Variants in MON1B observed in about 807,000 individuals in gnomAD.
The protein encoded by MON1B is MON1 vesicular trafficking associated B, also known as vacuolar fusion protein MON1 homolog B.
In MON1B, 26 loss-of-function variants were observed where a neutral mutation model predicts 45.1. That is an observed-to-expected ratio of 0.58 (90% CI 0.42 to 0.80). The LOEUF (loss-of-function observed/expected upper bound fraction) is 0.80. MON1B is among the 30% of genes least tolerant of loss of function. The pLI, the probability that MON1B is intolerant of heterozygous loss-of-function variation, is 0.00. For missense variants in MON1B, 737 were observed against 754.5 expected, an observed-to-expected ratio of 0.98 and a Z score of 0.27; for synonymous variants, 395 against 320.2, an observed-to-expected ratio of 1.23 and a Z score of -2.49.
Position 77,201,306 on chromosome 16 carries a change from G to A in MON1B, c.*2998G>A, listed in dbSNP as rs1309491702. On this transcript the variant is annotated 3_prime_UTR_variant, in exon 6 of 6. Coordinates refer to ENST00000248248, the MANE Select transcript of MON1B (RefSeq NM_014940.4). ...CATTTATTAACTGTGTAATGCAGCT[G>A]CCACTGCAATTAAAAAAAAAATTTT... 6.6e-6 allele frequency: 1 copy of A among 152,052 alleles called. No individual in the cohort carries two copies. The highest frequency in any genetic ancestry group is 6.6e-5 in the Admixed American group (1 of 15,256). 9.4% of individuals were successfully genotyped at this position (152,052 alleles called of 1,614,324 possible).
In MON1B at chr16:77,200,180, A is replaced by C. The variant is rs1230879319; in HGVS notation, c.*1872A>C. On this transcript the variant is annotated 3_prime_UTR_variant, in exon 6 of 6. Coordinates refer to ENST00000248248, the MANE Select transcript of MON1B (RefSeq NM_014940.4). ...CACCATCTCTACTAAAAAACTATAT[A>C]TACATATACATATGTGTGTATGTGT... 6.7e-6 allele frequency: 1 copy of C among 150,034 alleles called. No homozygotes were observed. The highest frequency in any genetic ancestry group is 1.5e-5 in the Non-Finnish European group (1 of 67,648). The allele number at this position is 150,034 out of a possible 1,614,324, so 9.3% of individuals were successfully genotyped here. A position where few individuals can be genotyped will look rare whatever the true frequency, so the allele number is the denominator to read the frequency against.
Position 77,191,504 on chromosome 16 carries a change from A to G in MON1B, c.19A>G (p.Thr7Ala). The change falls in exon 2 of 6, where the codon ACT becomes GCT. Residue 7 changes from threonine to alanine, a missense_variant. Transcript: ENST00000248248. ...TGTGCAGATGGAGGTCGGAGGAGAC[A>G]CTGCTGCCCCGGCCCCCGGGGGCGC... is the stretch of plus-strand genomic sequence containing the variant. Reference protein sequence around the residue: MEVGGDTAAPAPGGAED... With the variant: MEVGGDAAAPAPGGAED... 1 of 1,604,418 alleles carries G rather than the reference A, an allele frequency of 6.2e-7. No homozygotes were observed. Among genetic ancestry groups the G allele is most frequent in the Non-Finnish European group, 8.5e-7 (1 of 1,177,228 alleles).
Position 77,191,559 on chromosome 16 carries a change from G to T in MON1B, c.74G>T (p.Ser25Ile). Reference sequence around the variant, plus strand: ...GACTTGGAGGACACGCAGTTCCCCAGTGAGGAAGCTAGAGAAGGTGGAGGG... The same window carrying T: ...GACTTGGAGGACACGCAGTTCCCCATTGAGGAAGCTAGAGAAGGTGGAGGG... The part of the protein sequence containing the change: ...AEDLEDTQFP[S>I]EEAREGGGVH... Residue 25 changes from serine (S) to isoleucine (I), a missense_variant, in exon 2 of 6, where the codon AGT becomes ATT. Coordinates refer to ENST00000248248, the MANE Select transcript of MON1B (RefSeq NM_014940.4). 6.2e-7 allele frequency: 1 copy of T among 1,609,234 alleles called. No homozygotes were observed. The highest frequency in any genetic ancestry group is 8.5e-7 in the Non-Finnish European group (1 of 1,178,780).
chr16:77,191,649 G>T lies in MON1B; in HGVS notation c.148+16G>T, dbSNP rs372727263. 6.2e-7 allele frequency: 1 copy of T among 1,606,690 alleles called. No individual in the cohort carries two copies. On this transcript the variant is annotated intron_variant, in intron 2 of 5. Coordinates refer to ENST00000248248, the MANE Select transcript of MON1B (RefSeq NM_014940.4). ...GAGGAAACAGGTATGACTCCACTTAGTGGGGTCTTAAAAGGAATCCTTAGG... is the reference window on the plus strand; with the variant it reads ...GAGGAAACAGGTATGACTCCACTTATTGGGGTCTTAAAAGGAATCCTTAGG...
chr16:77,199,865 C>G lies in MON1B; in HGVS notation c.*1557C>G. On this transcript the variant is annotated 3_prime_UTR_variant, in exon 6 of 6. Transcript: ENST00000248248. ...CCTTATTAACAGTAATTCCCAGTGT[C>G]GCCATTTCACACCTAACACATATGA... 5.2e-6 allele frequency: 1 copy of G among 192,946 alleles called. No homozygotes were observed. The highest frequency in any genetic ancestry group is 1.1e-5 in the Non-Finnish European group (1 of 94,274). The allele number at this position is 192,946 out of a possible 1,614,324, so 12.0% of individuals were successfully genotyped here.
In MON1B at chr16:77,193,312, A is replaced by T; in HGVS notation, c.149-139A>T. 1.3e-6 allele frequency: 1 copy of T among 759,048 alleles called. No individual in the cohort carries two copies. The highest frequency in any genetic ancestry group is 2.1e-6 in the Non-Finnish European group (1 of 477,542). The allele number at this position is 759,048 out of a possible 1,614,324, so 47.0% of individuals were successfully genotyped here. A position where few individuals can be genotyped will look rare whatever the true frequency, so the allele number is the denominator to read the frequency against. ...TCCTAGGGCAGTCATCGGGTCATTG[A>T]GGGGCATAGGAGACACTTGGAGTTC... On this transcript the variant is annotated intron_variant, in intron 2 of 5. Transcript: ENST00000248248. This position sits in a 1 kb window ranked among gnomAD's most constrained non-coding sequence, Gnocchi z 5.0.
Position 77,191,567 on chromosome 16 carries a change from G to C in MON1B, c.82G>C (p.Ala28Pro), listed in dbSNP as rs933405244. 2.5e-6 allele frequency: 4 copies of C among 1,609,894 alleles called. No homozygotes were observed. Among genetic ancestry groups the C allele is most frequent in the African/African-American group, 1.3e-5 (1 of 74,570 alleles). ...GGACACGCAGTTCCCCAGTGAGGAA[G>C]CTAGAGAAGGTGGAGGGGTTCACGC... ...LEDTQFPSEE[A>P]REGGGVHAVP... The change falls in exon 2 of 6, where the codon GCT (alanine) becomes CCT (proline). Residue 28 changes from alanine (A) to proline (P), a missense_variant. Ala to Pro is a conservative substitution (Grantham distance 27, BLOSUM62 -1). Transcript: ENST00000248248.
At chr16:77,192,377 A>T (rs1214866295) in intron 2 of MON1B, among the ~76,000 whole-genome samples, 2 of 152,336 alleles carry the variant, frequency 1.3e-5, no homozygotes, top group African/African-American at 2.4e-5. Flanking sequence ...AGAATATGCA[A>T]TTATTGGGAT....
At chr16:77,196,867 G>A (rs2054670450) in intron 5 of MON1B, among the ~76,000 whole-genome samples, 1 of 152,070 alleles carries the variant, frequency 6.6e-6, no homozygotes, top group South Asian at 2.1e-4. Flanking sequence ...TTAATTCAGT[G>A]AGCTAAAATC....
Position 77,199,275 on chromosome 16 carries a change from G to C in MON1B, c.*967G>C. 1.6e-6 allele frequency: 1 copy of C among 611,734 alleles called. No individual in the cohort carries two copies. The highest frequency in any genetic ancestry group is 2.9e-6 in the Non-Finnish European group (1 of 339,864). The allele number at this position is 611,734 out of a possible 1,614,324, so 37.9% of individuals were successfully genotyped here. A position where few individuals can be genotyped will look rare whatever the true frequency, so the allele number is the denominator to read the frequency against. On this transcript the variant is annotated 3_prime_UTR_variant, in exon 6 of 6. Coordinates refer to ENST00000248248, the MANE Select transcript of MON1B (RefSeq NM_014940.4). Reference sequence around the variant, plus strand: ...AGTTACAGCCTCAAGGTTGTAGCATGTGTGCTGGCAATCAGGGCCGCAGTG... The same window carrying C: ...AGTTACAGCCTCAAGGTTGTAGCATCTGTGCTGGCAATCAGGGCCGCAGTG...
chr16:77,194,938 T>C lies in MON1B; in HGVS notation c.1079T>C (p.Phe360Ser). 6.2e-7 allele frequency: 1 copy of C among 1,613,746 alleles called. No homozygotes were observed. The highest frequency in any genetic ancestry group is 2.2e-5 in the East Asian group (1 of 44,874). The stretch of plus-strand genomic sequence containing the variant: ...CTGCTTGGCACCCAACGTGAAGCCT[T>C]CCATGCCATGGCCGCCTGCCGGCGC... ...LLLLGTQREA[F>S]HAMAACRRLV... The change falls in exon 4 of 6, where the codon TTC (phenylalanine) becomes TCC (serine). Residue 360 changes from phenylalanine (F) to serine (S), a missense_variant. Physicochemically the swap from Phe to Ser is radical, Grantham distance 155 (BLOSUM62 -2). Coordinates refer to ENST00000248248, the MANE Select transcript of MON1B (RefSeq NM_014940.4). The surrounding 1 kb of genome is among the most constrained non-coding windows in gnomAD (Gnocchi z 8.1).
At chr16:77,192,318 GGGAGTAAA>G (rs1246612485) in intron 2 of MON1B, among the ~76,000 whole-genome samples, 1 of 152,180 alleles carries the variant, frequency 6.6e-6, no homozygotes, top group East Asian at 1.9e-4. Flanking sequence ...GTTATTAGGA[GGGAGTAAA>G]GATATTTGGG....
chr16:77,194,829 C>G lies in MON1B; in HGVS notation c.970C>G (p.Pro324Ala). The change falls in exon 4 of 6, where the codon CCT becomes GCT. Residue 324 changes from proline (P) to alanine (A), a missense_variant. By Grantham distance (27) the Pro-to-Ala change is conservative. Coordinates refer to ENST00000248248, the MANE Select transcript of MON1B (RefSeq NM_014940.4). This position sits in a 1 kb window ranked among gnomAD's most constrained non-coding sequence, Gnocchi z 8.1. ...CTTTGCGGCGGGTGAGGCTTGGGCACCTGTGTGCCTGCCCCGCTTCAACCC... is the reference window on the plus strand; with the variant it reads ...CTTTGCGGCGGGTGAGGCTTGGGCAGCTGTGTGCCTGCCCCGCTTCAACCC... ...PAFAAGEAWA[P>A]VCLPRFNPDG... 6.2e-7 allele frequency: 1 copy of G among 1,610,712 alleles called. No homozygotes were observed. The highest frequency in any genetic ancestry group is 8.5e-7 in the Non-Finnish European group (1 of 1,180,000).
chr16:77,197,951 C>G (rs1296580710), intron 5 of MON1B, among the ~76,000 whole-genome samples, 157 bp from the exon 6 acceptor site: 1 of 152,136 alleles, frequency 6.6e-6, no homozygotes, highest in Non-Finnish European at 1.5e-5. Flanking sequence ...TATCAGCTTA[C>G]CTACCTTAGC....
Position 77,195,890 on chromosome 16 carries a change from T to C in MON1B, c.1443+208T>C, listed in dbSNP as rs75533076. Among the ~76,000 whole-genome samples the C allele has an allele frequency of 6.6e-3, 1,007 of 152,262 alleles. 10 individuals carry two copies. The highest frequency in any genetic ancestry group is 0.022 in the African/African-American group (930 of 41,544). ...CCGTGTCTCTAATCCGACATTAGCC[T>C]CACCCTCCTGTGTGCTTCTCCCAGA... On this transcript the variant is annotated intron_variant, in intron 5 of 5. Transcript: ENST00000248248.
At position 77,199,499 on chromosome 16, in the gene MON1B, T is replaced by C. The variant is rs966741546; in HGVS notation, c.*1191T>C. ...TGAATGTGGAGGCGCCAGAAGCTAC[T>C]GAGGAGGCTGAAGGTAGTGAGGGCA... On this transcript the variant is annotated 3_prime_UTR_variant, in exon 6 of 6. Transcript: ENST00000248248. 1.9e-6 allele frequency: 3 copies of C among 1,551,334 alleles called. No individual in the cohort carries two copies. Among genetic ancestry groups the C allele is most frequent in the South Asian group, 1.2e-5 (1 of 84,054 alleles).
Position 77,193,463 on chromosome 16 carries a change from A to G in MON1B, c.161A>G (p.Lys54Arg). ...GGCTCCCTTTCAGGATCCAAGGACA[A>G]GGACCAGCCACCCAGCCCATCACCA... ...EGLEETGSKDKDQPPSPSPPP... is the reference protein window; with the variant it reads ...EGLEETGSKDRDQPPSPSPPP... Residue 54 changes from lysine to arginine, a missense_variant, in exon 3 of 6, where the codon AAG (lysine) becomes AGG (arginine). By Grantham distance (26) the Lys-to-Arg change is conservative. Coordinates refer to ENST00000248248, the MANE Select transcript of MON1B (RefSeq NM_014940.4). The surrounding 1 kb of genome is among the most constrained non-coding windows in gnomAD (Gnocchi z 5.0). 6.4e-7 allele frequency: 1 copy of G among 1,558,914 alleles called. No homozygotes were observed. Among genetic ancestry groups the G allele is most frequent in the Non-Finnish European group, 8.7e-7 (1 of 1,151,406 alleles).
At chr16:77,191,793 T>C (rs931668688) in intron 2 of MON1B, among the ~76,000 whole-genome samples, 160 bp downstream of exon 2, 7 of 152,164 alleles carry the variant, frequency 4.6e-5, no homozygotes, top group Non-Finnish European at 7.3e-5. Flanking sequence ...ACACATGGTG[T>C]AGTTTACATC....
chr16:77,200,248 GTA>G lies in MON1B; in HGVS notation c.*1944_*1945del, dbSNP rs1461505660. 3.4e-5 allele frequency: 3 copies of G among 88,980 alleles called. No homozygotes were observed. Among genetic ancestry groups the G allele is most frequent in the South Asian group, 3.5e-4 (1 of 2,840 alleles). The allele number at this position is 88,980 out of a possible 1,614,324, so 5.5% of individuals were successfully genotyped here. On this transcript the variant is annotated 3_prime_UTR_variant, in exon 6 of 6. Transcript: ENST00000248248. The stretch of plus-strand genomic sequence containing the variant: ...TATGTGTGTGTATATATATATATAT[GTA>G]TATGTGTATATATATATATATGTGT...
Sources: allele counts gnomAD v4.1 joint callset (sites outside exome capture counted in the v4.1 genomes callset), GRCh38; gene constraint gnomAD v4.1.1; non-coding constraint Gnocchi (gnomAD v3.1); transcripts MANE v1.5; gene names NCBI Gene and HGNC (gene_info 2026-07-23, HGNC 2026-07-21).